Variants in SMAD3 observed in about 807,000 individuals in gnomAD.
The protein encoded by SMAD3 is MAD homolog 3.
Under a neutral mutation model 51.8 loss-of-function variants are expected in SMAD3, and 12 were observed. That is an observed-to-expected ratio of 0.23 (90% CI 0.15 to 0.38). The LOEUF is 0.38. SMAD3 is among the 10% of genes least tolerant of loss of function. SMAD3 has a pLI of 1.00. For missense variants in SMAD3, 294 were observed against 565.6 expected, an observed-to-expected ratio of 0.52 and a Z score of 4.87; for synonymous variants, 238 against 227.7, an observed-to-expected ratio of 1.05 and a Z score of -0.41.
chr15:67,095,404 G>A (rs1225292048), intron 1 of SMAD3, among the ~76,000 whole-genome samples: 2 of 152,184 alleles, frequency 1.3e-5, no homozygotes, highest in South Asian at 2.1e-4. Flanking sequence ...GGATGGCTGT[G>A]GAAGTGTGTC....
Position 67,158,253 on chromosome 15 carries a change from C to T in SMAD3, c.207-6642C>T, listed in dbSNP as rs139777780. Among the ~76,000 whole-genome samples, 265 of 152,312 alleles carry T rather than the reference C, an allele frequency of 1.7e-3. 2 individuals carry two copies. The South Asian group carries it at 0.034, about 19-fold the overall frequency. On this transcript the variant is annotated intron_variant, in intron 1 of 8. Transcript: ENST00000327367. Reference sequence around the variant, plus strand: ...CTGGACACATCAGCTATATTAAATCCAGCAGCTGAAACTCCCAATTCACTC... The same window carrying T: ...CTGGACACATCAGCTATATTAAATCTAGCAGCTGAAACTCCCAATTCACTC...
intron 1 of SMAD3, among the ~76,000 whole-genome samples, chr15:67,145,301 A>G (rs1961945746): frequency 1.3e-5 from 2 of 152,230 alleles, no homozygotes; most frequent in African/African-American, 4.8e-5. Flanking sequence ...TGGGAAACCC[A>G]GGCACTGCTT....
At chr15:67,074,142 C>G (rs999511113) in intron 1 of SMAD3, among the ~76,000 whole-genome samples, 4 of 152,256 alleles carry the variant, frequency 2.6e-5, no homozygotes, top group Non-Finnish European at 4.4e-5. Context: ...TGATTTCCCT[C>G]CCTCTTCCTT....
At chr15:67,184,096 A>C (rs1595959772) in intron 6 of SMAD3, among the ~76,000 whole-genome samples, 1 of 147,180 alleles carries the variant, frequency 6.8e-6, no homozygotes, top group South Asian at 2.1e-4. Context: ...GGTTATCATC[A>C]TTCCCTTTTT....
At chr15:67,101,251 A>G (rs1231377500) in intron 1 of SMAD3, among the ~76,000 whole-genome samples, 2 of 152,066 alleles carry the variant, frequency 1.3e-5, no homozygotes, top group Admixed American at 1.3e-4. Context: ...TCTCTTTTTG[A>G]CTATGAACAC....
chr15:67,176,750 C>G lies in SMAD3; in HGVS notation c.659-4491C>G, dbSNP rs114380470. ...GCCATGGATTAAGTGCCCTATGGCA[C>G]TTGAGAAGTCTGGCCGACACCACAC... On this transcript the variant is annotated intron_variant, in intron 5 of 8. Coordinates refer to ENST00000327367, the MANE Select transcript of SMAD3 (RefSeq NM_005902.4). Among the ~76,000 whole-genome samples, 661 of 152,342 alleles carry G rather than the reference C, an allele frequency of 4.3e-3. 2 individuals are homozygous for G. Among genetic ancestry groups the G allele is most frequent in the African/African-American group, 0.015 (627 of 41,574 alleles).
intron 1 of SMAD3, among the ~76,000 whole-genome samples, chr15:67,096,450 T>C (rs1022047881): frequency 2.0e-5 from 3 of 152,226 alleles, no homozygotes; most frequent in Non-Finnish European, 4.4e-5. Flanking sequence ...TTTTTATATT[T>C]GCAGTTAAAA....
At chr15:67,130,308 C>T (rs1431748569) in intron 1 of SMAD3, among the ~76,000 whole-genome samples, 1 of 152,192 alleles carries the variant, frequency 6.6e-6, no homozygotes. Flanking sequence ...TTCCACTCAC[C>T]TGACCTCCTT....
At chr15:67,173,567 T>TGGGG (rs1204927835) in intron 5 of SMAD3, among the ~76,000 whole-genome samples, 1 of 152,052 alleles carries the variant, frequency 6.6e-6, no homozygotes, top group Admixed American at 6.6e-5. Flanking sequence ...AAATGGCAGG[T>TGGGG]GGGGCACTGG....
At chr15:67,137,003 C>A (rs1345115914) in intron 1 of SMAD3, among the ~76,000 whole-genome samples, 1 of 152,192 alleles carries the variant, frequency 6.6e-6, no homozygotes, top group African/African-American at 2.4e-5. Context: ...GGTCTACCCA[C>A]CATGCCAGTT....
rs1454993860 is a variant in SMAD3 at position 67,194,952 on chromosome 15, T to C, written c.*4416T>C. Reference sequence around the variant, plus strand: ...TGTGGAGGGATGGGGAATAGAACATTGACTGTGTTGATTACCTTCACTATT... The same window carrying C: ...TGTGGAGGGATGGGGAATAGAACATCGACTGTGTTGATTACCTTCACTATT... On this transcript the variant is annotated 3_prime_UTR_variant, in exon 9 of 9. Transcript: ENST00000327367. 2.6e-5 allele frequency: 6 copies of C among 233,650 alleles called. No homozygotes were observed. In the Admixed American group the frequency reaches 2.8e-4, roughly 11 times the overall value. 14.5% of individuals were successfully genotyped at this position (233,650 alleles called of 1,614,324 possible).
chr15:67,065,882 CG>C lies in SMAD3; in HGVS notation c.-269del. ...GCGGCCGCCGCCTCCGCCCCGCGTT[CG>C]GGGCCTTCCCGACCCTGCACTGCTG... On this transcript the variant is annotated 5_prime_UTR_variant, in exon 1 of 9. Transcript: ENST00000327367. 4.6e-6 allele frequency: 1 copy of C among 216,400 alleles called. No homozygotes were observed. The allele number at this position is 216,400 out of a possible 1,614,324, so 13.4% of individuals were successfully genotyped here.
rs1963419948 is a variant in SMAD3 at position 67,193,530 on chromosome 15, TG to T, written c.*2996del. On this transcript the variant is annotated 3_prime_UTR_variant, in exon 9 of 9. Transcript: ENST00000327367. The stretch of plus-strand genomic sequence containing the variant: ...GCCGGTTTGGATTACAGGCCTGTGC[TG>T]GAACATCATCTCAGTTGGCCACCTT... 1 of 233,886 alleles carries T rather than the reference TG, an allele frequency of 4.3e-6. No homozygotes were observed. Among genetic ancestry groups the T allele is most frequent in the Non-Finnish European group, 8.5e-6 (1 of 118,056 alleles). 14.5% of individuals were successfully genotyped at this position (233,886 alleles called of 1,614,324 possible).
chr15:67,180,222 T>C (rs1438505605), intron 5 of SMAD3, among the ~76,000 whole-genome samples: 1 of 151,436 alleles, frequency 6.6e-6, no homozygotes, highest in East Asian at 2.0e-4. Context: ...GGCATCGGTG[T>C]GAGTGGGAAT....
chr15:67,138,121 C>T (rs1345337362), intron 1 of SMAD3: 2 of 1,535,358 alleles, frequency 1.3e-6, no homozygotes, highest in Non-Finnish European at 1.8e-6. Context: ...CGTGCCGGGA[C>T]ATGTCTTTTC....
intron 1 of SMAD3, among the ~76,000 whole-genome samples, chr15:67,128,877 C>T (rs1478863271): frequency 2.6e-5 from 4 of 152,196 alleles, no homozygotes; most frequent in Admixed American, 6.5e-5. Flanking sequence ...GCTCAGCCTT[C>T]TAAAAGTATT....
intron 1 of SMAD3, among the ~76,000 whole-genome samples, chr15:67,143,645 G>C (rs1431848196): frequency 6.6e-6 from 1 of 152,194 alleles, no homozygotes; most frequent in South Asian, 2.1e-4. Flanking sequence ...TGTTGACCAG[G>C]CTGGTCTTGA....
chr15:67,079,395 G>C (rs1319412883), intron 1 of SMAD3, among the ~76,000 whole-genome samples: 1 of 152,174 alleles, frequency 6.6e-6, no homozygotes, highest in Non-Finnish European at 1.5e-5. Context: ...AGACCTTAGA[G>C]ACAATCATAA....
At chr15:67,146,905 C>G (rs1331649136) in intron 1 of SMAD3, 1 of 152,234 alleles carries the variant, frequency 6.6e-6, no homozygotes, top group East Asian at 1.9e-4. Flanking sequence ...ACATATGAAG[C>G]TGCTACCTGG....
Sources: allele counts gnomAD v4.1 joint callset (sites outside exome capture counted in the v4.1 genomes callset), GRCh38; gene constraint gnomAD v4.1.1; transcripts MANE v1.5; gene names NCBI Gene and HGNC (gene_info 2026-07-23, HGNC 2026-07-21).